Variants in EPHA6 observed in about 807,000 individuals in gnomAD.
The protein encoded by EPHA6 is EPH receptor A6.
In EPHA6, 50 loss-of-function variants were observed where a neutral mutation model predicts 112.0. The observed-to-expected ratio is 0.45, with a 90% CI of 0.36 to 0.56. The LOEUF (loss-of-function observed/expected upper bound fraction) is 0.56, where lower values mean the gene tolerates loss of function less well. EPHA6 is among the 20% of genes least tolerant of loss of function. The probability of loss-of-function intolerance (pLI) is 0.00; values close to 1 mark genes in which losing one functional copy is unlikely to be tolerated. For synonymous variants in EPHA6, 529 were observed against 490.7 expected (o/e 1.08, Z -1.03); for missense variants, 1,280 against 1,417.4 (o/e 0.90, Z 1.56).
At chr3:97,256,708 A>G (rs1238593931) in intron 5 of EPHA6, among the ~76,000 whole-genome samples, 1 of 151,742 alleles carries the variant, frequency 6.6e-6, no homozygotes, top group African/African-American at 2.4e-5. Flanking sequence ...TTCTTAGGAG[A>G]TGTGGTGGCA....
intron 9 of EPHA6, among the ~76,000 whole-genome samples, chr3:97,481,857 A>G (rs1044417239): frequency 6.6e-6 from 1 of 152,212 alleles, no homozygotes; most frequent in African/African-American, 2.4e-5. Flanking sequence ...ACGCAGGGCA[A>G]CCTTAAGATT....
At chr3:97,153,343 CAA>C (rs948615570) in intron 3 of EPHA6, among the ~76,000 whole-genome samples, 1 of 151,452 alleles carries the variant, frequency 6.6e-6, no homozygotes, top group East Asian at 1.9e-4. Context: ...ATAGTTTAAA[CAA>C]AAAAAATCCA....
chr3:97,656,647 T>A (rs2094139530), intron 14 of EPHA6, among the ~76,000 whole-genome samples: 1 of 151,968 alleles, frequency 6.6e-6, no homozygotes, highest in Non-Finnish European at 1.5e-5. Flanking sequence ...GCTAGCTACT[T>A]ACTGATCAGG....
intron 5 of EPHA6, among the ~76,000 whole-genome samples, chr3:97,270,473 A>G (rs1270132774): frequency 1.3e-5 from 2 of 152,210 alleles, no homozygotes; most frequent in African/African-American, 4.8e-5. Context: ...AGCTTGCTAT[A>G]GGGTATGTTA....
intron 3 of EPHA6, among the ~76,000 whole-genome samples, chr3:97,075,438 C>G (rs1313434987): frequency 6.6e-6 from 1 of 151,850 alleles, no homozygotes; most frequent in Non-Finnish European, 1.5e-5. Context: ...TGGTGCCATA[C>G]TTTTATAGGC....
chr3:97,579,151 A>T (rs1318084183), intron 11 of EPHA6, among the ~76,000 whole-genome samples: 1 of 152,200 alleles, frequency 6.6e-6, no homozygotes, highest in Non-Finnish European at 1.5e-5. Context: ...AAGGTTTGTG[A>T]TTATAATTAA....
At chr3:97,320,841 AG>A (rs2082085247) in intron 5 of EPHA6, among the ~76,000 whole-genome samples, 1 of 150,974 alleles carries the variant, frequency 6.6e-6, no homozygotes, top group African/African-American at 2.5e-5. Flanking sequence ...ATAAAAAAAA[AG>A]GGATGAATTT....
At chr3:97,013,237 A>G (rs1041513835) in intron 3 of EPHA6, among the ~76,000 whole-genome samples, 1 of 152,176 alleles carries the variant, frequency 6.6e-6, no homozygotes, top group Non-Finnish European at 1.5e-5. Context: ...GAGGTCTTAT[A>G]TAAATGTGCT....
chr3:97,496,428 G>A (rs982974078), intron 10 of EPHA6, among the ~76,000 whole-genome samples: 7 of 152,190 alleles, frequency 4.6e-5, no homozygotes, highest in African/African-American at 1.7e-4. Context: ...TTACAGATAC[G>A]AAAGCTAAGA....
chr3:97,067,534 G>A (rs2046214922), intron 3 of EPHA6, among the ~76,000 whole-genome samples: 2 of 137,626 alleles, frequency 1.5e-5, no homozygotes, highest in Non-Finnish European at 3.0e-5. Flanking sequence ...AAATTATCAG[G>A]AAAATATATA....
At chr3:97,149,487 T>C (rs899579721) in intron 3 of EPHA6, among the ~76,000 whole-genome samples, 2 of 152,110 alleles carry the variant, frequency 1.3e-5, no homozygotes, top group Non-Finnish European at 2.9e-5. Context: ...ATATATTCCT[T>C]AAAGTAATGA....
At chr3:97,192,698 C>T (rs762892096) in intron 3 of EPHA6, among the ~76,000 whole-genome samples, 7 of 152,048 alleles carry the variant, frequency 4.6e-5, no homozygotes, top group Non-Finnish European at 8.8e-5. Flanking sequence ...AGAAATTTTG[C>T]CCAGGCCAAT....
chr3:97,481,613 T>G, intron 9 of EPHA6: 1 of 482,956 alleles, frequency 2.1e-6, no homozygotes, highest in Non-Finnish European at 3.9e-6. Context: ...GGAGCAGCTG[T>G]TGCGCCCTCC....
chr3:97,513,308 A>G lies in EPHA6; in HGVS notation c.2201-19050A>G, dbSNP rs144621488. On this transcript the variant is annotated intron_variant, in intron 10 of 17. Transcript: ENST00000389672. ...AATCCCACCACTGGGTATATATCCA[A>G]AGGAAATGAATTCAGTATGTCAAAG... Among the ~76,000 whole-genome samples the G allele has an allele frequency of 6.5e-3, 997 of 152,324 alleles. 12 individuals carry two copies. The highest frequency in any genetic ancestry group is 0.022 in the African/African-American group (917 of 41,572).
At chr3:97,123,219 G>T (rs1044272706) in intron 3 of EPHA6, among the ~76,000 whole-genome samples, 2 of 151,972 alleles carry the variant, frequency 1.3e-5, no homozygotes, top group African/African-American at 4.8e-5. Context: ...AACTTGAGTT[G>T]CACTGAAGCA....
chr3:97,583,414 C>A (rs1480938989), intron 11 of EPHA6, among the ~76,000 whole-genome samples: 2 of 151,882 alleles, frequency 1.3e-5, no homozygotes, highest in African/African-American at 4.8e-5. Flanking sequence ...TGGTGGGCGC[C>A]TGTAGTCCCA....
At chr3:97,455,058 TAGC>T (rs1387448582) in intron 7 of EPHA6, among the ~76,000 whole-genome samples, 1 of 152,012 alleles carries the variant, frequency 6.6e-6, no homozygotes, top group African/African-American at 2.4e-5. Flanking sequence ...AGGAATTTTC[TAGC>T]AGTTAGGTTG....
intron 1 of EPHA6, among the ~76,000 whole-genome samples, chr3:96,822,101 G>C (rs569912183): frequency 7.2e-5 from 11 of 151,862 alleles, no homozygotes; most frequent in Non-Finnish European, 1.6e-4. Flanking sequence ...TGTATGGATT[G>C]GCAGATATTC....
intron 3 of EPHA6, among the ~76,000 whole-genome samples, chr3:97,075,987 C>G (rs954997821): frequency 6.6e-6 from 1 of 152,064 alleles, no homozygotes; most frequent in Admixed American, 6.6e-5. Flanking sequence ...GTTCACCTTT[C>G]TCTCTTCCTG....
Sources: allele counts gnomAD v4.1 joint callset (sites outside exome capture counted in the v4.1 genomes callset), GRCh38; gene constraint gnomAD v4.1.1; transcripts MANE v1.5; gene names NCBI Gene and HGNC (gene_info 2026-07-23, HGNC 2026-07-21).